The following PTK2 variants were observed in gnomAD, a reference collection of about 807,000 sequenced individuals.
PTK2 encodes the protein focal adhesion kinase 1.
Under a neutral mutation model 150.1 loss-of-function variants are expected in PTK2, and 45 were observed. The observed-to-expected ratio is 0.30, with a 90% CI of 0.24 to 0.38. PTK2 has a LOEUF of 0.38. Ranked by LOEUF, PTK2 falls within the 10% of genes least tolerant of loss-of-function variation. The pLI is 1.00. For missense variants in PTK2, 919 were observed against 1,307.3 expected, an observed-to-expected ratio of 0.70 and a Z score of 4.58; for synonymous variants, 432 against 449.2, an observed-to-expected ratio of 0.96 and a Z score of 0.48.
At chr8:140,761,310 T>A in intron 15 of PTK2, 48 bp from the exon 19 acceptor site, 1 of 1,372,468 alleles carries the variant, frequency 7.3e-7, no homozygotes, top group South Asian at 1.2e-5. Context: ...ATATTCCAAA[T>A]GTAGAAATAA....
intron 26 of PTK2, among the ~76,000 whole-genome samples, chr8:140,693,332 C>T (rs750136572): frequency 1.3e-5 from 2 of 151,878 alleles, no homozygotes; most frequent in Non-Finnish European, 2.9e-5. Flanking sequence ...GGTGGGAGAA[C>T]TGCTTGAGCC....
At chr8:140,856,143 A>G (rs139634028) in intron 5 of PTK2, among the ~76,000 whole-genome samples, 59 of 152,328 alleles carry the variant, frequency 3.9e-4, no homozygotes, top group African/African-American at 1.3e-3. Flanking sequence ...CGATTCAACC[A>G]CATACCCACC....
At position 140,683,155 on chromosome 8, in the gene PTK2, C is replaced by T. The variant is rs565480787; in HGVS notation, c.2562+3477G>A. ...AGATCGAAAAAAATACAATCAGCAA[C>T]GACAAAGGGGACATTACCACCAACC... is the stretch of plus-strand genomic sequence containing the variant. On this transcript the variant is annotated intron_variant, in intron 27 of 31. Coordinates refer to ENST00000522684, the Ensembl canonical transcript of PTK2. Among the ~76,000 whole-genome samples the T allele has an allele frequency of 3.9e-4, 60 of 151,958 alleles. 1 individual carries two copies. In the Middle Eastern group the frequency reaches 0.014, roughly 34 times the overall value.
intron 1 of PTK2, among the ~76,000 whole-genome samples, chr8:140,998,149 T>C (rs1486193629): frequency 6.6e-6 from 1 of 152,194 alleles, no homozygotes; most frequent in African/African-American, 2.4e-5. Context: ...TCAAATATGA[T>C]ACAAACAGTA....
intron 1 of PTK2, among the ~76,000 whole-genome samples, chr8:140,996,878 A>G (rs1431906128): frequency 2.0e-5 from 3 of 152,356 alleles, no homozygotes; most frequent in Middle Eastern, 3.4e-3. Flanking sequence ...TAGATTAAGA[A>G]GACATTTTGA....
chr8:140,669,683 G>C, intron 29 of PTK2, 44 bp downstream of exon 33: 1 of 1,525,778 alleles, frequency 6.6e-7, no homozygotes, highest in Non-Finnish European at 8.8e-7. Flanking sequence ...AGCCGGGTGT[G>C]ATAGAGAGAG....
At chr8:140,841,946 T>C (rs140978259) in intron 7 of PTK2, among the ~76,000 whole-genome samples, 2 of 152,202 alleles carry the variant, frequency 1.3e-5, no homozygotes, top group East Asian at 3.9e-4. Flanking sequence ...TCCACTATTA[T>C]GTGGCTGTTT....
intron 22 of PTK2, among the ~76,000 whole-genome samples, chr8:140,725,913 C>A (rs1315338734): frequency 2.0e-5 from 3 of 150,112 alleles, no homozygotes; most frequent in African/African-American, 7.3e-5. Flanking sequence ...GAGGCTGATT[C>A]TAAAGATGAC....
chr8:140,722,035 A>G (rs1399120986), intron 22 of PTK2, among the ~76,000 whole-genome samples: 1 of 152,236 alleles, frequency 6.6e-6, no homozygotes, highest in Non-Finnish European at 1.5e-5. Flanking sequence ...CATAATAGGA[A>G]TTAATAAATG....
chr8:140,736,158 G>T (rs2100052480), intron 21 of PTK2, among the ~76,000 whole-genome samples: 1 of 152,216 alleles, frequency 6.6e-6, no homozygotes, highest in Non-Finnish European at 1.5e-5. Flanking sequence ...TAAAGAAAAT[G>T]TAGTACATAT....
chr8:140,691,196 G>T (rs1004848684), intron 26 of PTK2, among the ~76,000 whole-genome samples: 14 of 147,030 alleles, frequency 9.5e-5, no homozygotes, highest in Non-Finnish European at 1.5e-4. Flanking sequence ...GAGATGGTTG[G>T]GGGTGGGGGG....
intron 29 of PTK2, chr8:140,670,066 G>C (rs2094684008): frequency 3.7e-6 from 1 of 269,422 alleles, no homozygotes; most frequent in African/African-American, 2.2e-5. Flanking sequence ...TCTTCAAAAA[G>C]AAAGGAGGAG....
chr8:140,843,418 A>G (rs906692306), intron 7 of PTK2, among the ~76,000 whole-genome samples: 4 of 152,114 alleles, frequency 2.6e-5, no homozygotes, highest in Non-Finnish European at 4.4e-5. Flanking sequence ...CATAGACTCT[A>G]TCTTTCAGTT....
Position 140,760,663 on chromosome 8 carries a change from G to A in PTK2, c.1332+502C>T, listed in dbSNP as rs978894963. ...GTTCCAATTGACAGTGGTGATAGCT[G>A]CACAACTTTGTGAATACACTGAAAA... On this transcript the variant is annotated intron_variant, in intron 16 of 31. Transcript: ENST00000522684. Among the ~76,000 whole-genome samples the A allele has an allele frequency of 2.6e-5, 4 of 152,164 alleles. No homozygotes were observed. The East Asian group carries it at 7.7e-4, about 29-fold the overall frequency.
At chr8:140,744,313 C>T (rs1274516546) in intron 19 of PTK2, among the ~76,000 whole-genome samples, 6 of 152,230 alleles carry the variant, frequency 3.9e-5, no homozygotes, top group South Asian at 2.1e-4. Context: ...ATGTTCACTG[C>T]TCTGCTGCCA....
intron 2 of PTK2, among the ~76,000 whole-genome samples, chr8:140,896,655 A>G (rs1336282463): frequency 6.6e-6 from 1 of 152,220 alleles, no homozygotes; most frequent in Non-Finnish European, 1.5e-5. Flanking sequence ...AAATGTAAAT[A>G]CTAGTGGGAA....
intron 5 of PTK2, among the ~76,000 whole-genome samples, chr8:140,851,456 T>C (rs1310748203): frequency 6.6e-6 from 1 of 152,186 alleles, no homozygotes; most frequent in Non-Finnish European, 1.5e-5. Flanking sequence ...AATAATTACT[T>C]TGGATGTTCT....
At chr8:140,677,358 C>T (rs59244974) in intron 27 of PTK2, among the ~76,000 whole-genome samples, 5,240 of 152,204 alleles carry the variant, frequency 0.034, 281 homozygotes, top group African/African-American at 0.12. Flanking sequence ...GCCAGAGAAG[C>T]CAAACCACAG....
At chr8:140,675,299 C>G in intron 28 of PTK2, 161 bp downstream of exon 31, 1 of 736,662 alleles carries the variant, frequency 1.4e-6, no homozygotes, top group Non-Finnish European at 2.3e-6. Context: ...TTTCCCAATA[C>G]TCTAGTAATG....
Sources: allele counts gnomAD v4.1 joint callset (sites outside exome capture counted in the v4.1 genomes callset), GRCh38; gene constraint gnomAD v4.1.1; transcripts MANE v1.5; gene names NCBI Gene and HGNC (gene_info 2026-07-23, HGNC 2026-07-21).